Variants in KIF16B observed in about 807,000 individuals in gnomAD.
KIF16B encodes kinesin family member 16B, also known as kinesin-like protein KIF16B.
Under a neutral mutation model 156.3 loss-of-function variants are expected in KIF16B, and 98 were observed. The ratio of observed to expected loss-of-function variants is 0.63; its 90% CI spans 0.53 to 0.74. The LOEUF is 0.74. Ranked by LOEUF, KIF16B falls within the 30% of genes least tolerant of loss-of-function variation. The pLI, the probability that KIF16B is intolerant of heterozygous loss-of-function variation, is 0.00. For synonymous variants in KIF16B, 564 were observed against 583.7 expected, an observed-to-expected ratio of 0.97 and a Z score of 0.49; for missense variants, 1,421 against 1,606.5, an observed-to-expected ratio of 0.88 and a Z score of 1.97.
intron 12 of KIF16B, among the ~76,000 whole-genome samples, chr20:16,489,457 G>A (rs2068220606): frequency 6.6e-6 from 1 of 152,104 alleles, no homozygotes; most frequent in Admixed American, 6.5e-5. Flanking sequence ...AGCACTTTGG[G>A]AGGCCAAGGC....
chr20:16,297,840 C>T (rs1395808209), intron 25 of KIF16B, among the ~76,000 whole-genome samples: 6 of 152,016 alleles, frequency 3.9e-5, no homozygotes, highest in Admixed American at 2.6e-4. Flanking sequence ...ACCAGTTTTT[C>T]TCATCCCAGC....
At chr20:16,533,982 T>C (rs1007841396) in intron 1 of KIF16B, among the ~76,000 whole-genome samples, 1 of 152,144 alleles carries the variant, frequency 6.6e-6, no homozygotes, top group Admixed American at 6.6e-5. Flanking sequence ...AAGATGTGGC[T>C]GGGCACAATG....
At chr20:16,491,396 A>C (rs2068286698) in intron 12 of KIF16B, among the ~76,000 whole-genome samples, 1 of 152,214 alleles carries the variant, frequency 6.6e-6, no homozygotes, top group Admixed American at 6.5e-5. Flanking sequence ...TGAGGAAGGC[A>C]GACTAAGGGG....
At chr20:16,473,094 T>G (rs144900168) in intron 12 of KIF16B, among the ~76,000 whole-genome samples, 53 of 152,322 alleles carry the variant, frequency 3.5e-4, no homozygotes, top group Middle Eastern at 3.4e-3. Context: ...AATTCTGTTA[T>G]AAGGAATCCA....
At chr20:16,299,622 C>G (rs1376391434) in intron 25 of KIF16B, among the ~76,000 whole-genome samples, 1 of 152,152 alleles carries the variant, frequency 6.6e-6, no homozygotes, top group Non-Finnish European at 1.5e-5. Context: ...TCACTCTGTA[C>G]CAAAGAGAAC....
At chr20:16,359,836 A>T (rs1408571516) in intron 22 of KIF16B, among the ~76,000 whole-genome samples, 2 of 152,150 alleles carry the variant, frequency 1.3e-5, no homozygotes, top group East Asian at 3.9e-4. Context: ...TGGATATAAG[A>T]GCTACTGTCC....
At chr20:16,460,006 G>A (rs2067305040) in intron 12 of KIF16B, among the ~76,000 whole-genome samples, 1 of 152,156 alleles carries the variant, frequency 6.6e-6, no homozygotes, top group Admixed American at 6.5e-5. Flanking sequence ...AGAAAATAAG[G>A]AGTATTACTG....
At position 16,508,063 on chromosome 20, in the gene KIF16B, T is replaced by C. The variant is rs763677806; in HGVS notation, c.594A>G (p.Val198=). The change falls in exon 7 of 26, where the codon GTA becomes GTG. Residue 198 remains valine (V), a synonymous_variant. Transcript: ENST00000354981. The part of the protein sequence containing the change: ...SKHLVQNYGD[V]EELMDAGNIN... ...TATTGCCCGCATCCATAAGTTCTTC[T>C]ACGTCACCATAATTCTGTACTAAAT... 3 of 1,614,000 alleles carry C rather than the reference T, an allele frequency of 1.9e-6. No individual in the cohort carries two copies. In the Admixed American group the frequency reaches 5.0e-5, roughly 27 times the overall value.
intron 23 of KIF16B, among the ~76,000 whole-genome samples, chr20:16,351,788 T>C (rs2064343983): frequency 1.3e-5 from 2 of 152,174 alleles, no homozygotes; most frequent in Admixed American, 1.3e-4. Flanking sequence ...CAGGGTCTCC[T>C]GGGAGGAGTA....
intron 17 of KIF16B, among the ~76,000 whole-genome samples, chr20:16,390,523 A>C (rs1271568462): frequency 6.6e-6 from 1 of 152,066 alleles, no homozygotes; most frequent in East Asian, 1.9e-4. Context: ...TTTACAGGCC[A>C]GAAGAATGAG....
chr20:16,376,545 G>C (rs1049078092), intron 19 of KIF16B, among the ~76,000 whole-genome samples: 1 of 152,224 alleles, frequency 6.6e-6, no homozygotes, highest in African/African-American at 2.4e-5. Flanking sequence ...AGAAAGCTGC[G>C]GGGGTATCGC....
rs567370790 is a variant in KIF16B at position 16,308,643 on chromosome 20, G to A, written c.3795+3692C>T. 2.0e-5 allele frequency among the ~76,000 whole-genome samples: 3 copies of A among 152,352 alleles called. No individual in the cohort carries two copies. In the South Asian group the frequency reaches 6.2e-4, roughly 32 times the overall value. On this transcript the variant is annotated intron_variant, in intron 25 of 25. Transcript: ENST00000354981. ...TGGCAGAACTCACCAAGTTGGTTGT[G>A]AGGAATGTATGACAGGATATCATAA...
chr20:16,456,139 A>ATACAATACAG (rs1289092859), intron 12 of KIF16B, among the ~76,000 whole-genome samples: 1 of 151,738 alleles, frequency 6.6e-6, no homozygotes, highest in Non-Finnish European at 1.5e-5. Context: ...ATACAATACA[A>ATACAATACAG]TACAATACAA....
At chr20:16,432,830 G>A (rs757635591) in intron 12 of KIF16B, among the ~76,000 whole-genome samples, 4 of 152,150 alleles carry the variant, frequency 2.6e-5, no homozygotes, top group Admixed American at 1.3e-4. Flanking sequence ...AAATAGATAC[G>A]CAGAGAAAAT....
In KIF16B at chr20:16,506,084, A is replaced by G; in HGVS notation, c.806T>C (p.Leu269Pro). Reference protein sequence around the residue: ...ADATGATGVRLKEGGNINKSL... With the variant: ...ADATGATGVRPKEGGNINKSL... ...CTTGTTAATATTTCCCCCTTCCTTT[A>G]GCCTAACCCCGGTGGCTCCGGTGGC... Residue 269 changes from leucine to proline, a missense_variant, in exon 8 of 26, where the codon CTA becomes CCA. By Grantham distance (98) the Leu-to-Pro change is moderately conservative. Transcript: ENST00000354981. 1.2e-6 allele frequency: 2 copies of G among 1,614,128 alleles called. No individual in the cohort carries two copies. The highest frequency in any genetic ancestry group is 2.2e-5 in the South Asian group (2 of 91,074).
chr20:16,426,002 C>A (rs1257420077), intron 15 of KIF16B, among the ~76,000 whole-genome samples: 1 of 152,032 alleles, frequency 6.6e-6, no homozygotes, highest in African/African-American at 2.4e-5. Flanking sequence ...AGGGAAATGC[C>A]ACACACTTTT....
intron 20 of KIF16B, 53 bp from the exon 21 acceptor site, chr20:16,371,814 T>C: frequency 1.6e-6 from 2 of 1,229,700 alleles, no homozygotes; most frequent in Non-Finnish European, 1.2e-6. Context: ...ACACAGGACA[T>C]TCTGAGATCC....
intron 23 of KIF16B, among the ~76,000 whole-genome samples, chr20:16,344,213 T>G (rs1422453089): frequency 6.6e-6 from 1 of 152,208 alleles, no homozygotes; most frequent in South Asian, 2.1e-4. Flanking sequence ...GTATATTAGA[T>G]TTAATTAAAA....
At chr20:16,516,291 T>C (rs738556) in intron 3 of KIF16B, among the ~76,000 whole-genome samples, 36,205 of 151,806 alleles carry the variant, frequency 0.24, 4,941 homozygotes, top group East Asian at 0.36. Context: ...GGGGCTGGGG[T>C]GGGGGTCACA....
Sources: gnomAD v4.1 joint callset for allele counts (sites outside exome capture counted in the v4.1 genomes callset) on GRCh38, gnomAD v4.1.1 for gene constraint, MANE v1.5 for transcripts, NCBI Gene and HGNC (gene_info 2026-07-23, HGNC 2026-07-21) for gene names.